ASL: variants seen among roughly 807,000 people sequenced by gnomAD.
ASL encodes the protein argininosuccinate lyase.
In ASL, 51 loss-of-function variants were observed where a neutral mutation model predicts 69.1. That is an observed-to-expected ratio of 0.74 (90% CI 0.59 to 0.93). ASL has a LOEUF of 0.93. ASL is among the 40% of genes least tolerant of loss of function. The pLI, the probability that ASL is intolerant of heterozygous loss-of-function variation, is 0.00. For synonymous variants in ASL, 241 were observed against 247.6 expected (o/e 0.97, Z 0.25); for missense variants, 540 against 623.9 (o/e 0.87, Z 1.43).
At chr7:66,079,961 T>G (rs1786452973) in intron 2 of ASL, among the ~76,000 whole-genome samples, 1 of 151,976 alleles carries the variant, frequency 6.6e-6, no homozygotes. Context: ...GGCGCATGCT[T>G]GTAGTCCCAA....
chr7:66,085,899 C>T (rs941813256), intron 6 of ASL, among the ~76,000 whole-genome samples: 6 of 151,904 alleles, frequency 3.9e-5, no homozygotes, highest in East Asian at 1.9e-4. Flanking sequence ...TGAGTTACCG[C>T]GCCTGGCCAC....
intron 6 of ASL, among the ~76,000 whole-genome samples, chr7:66,085,302 C>A (rs1377670586): frequency 3.3e-5 from 5 of 151,938 alleles, no homozygotes; most frequent in African/African-American, 1.2e-4. Flanking sequence ...CATGGTGAAA[C>A]CCCATCTCTA....
At chr7:66,085,587 T>C (rs1403490034) in intron 6 of ASL, among the ~76,000 whole-genome samples, 1 of 151,128 alleles carries the variant, frequency 6.6e-6, no homozygotes, top group Non-Finnish European at 1.5e-5. Context: ...CAGACCACTC[T>C]GGGCAACATA....
At chr7:66,087,278 G>A in intron 8 of ASL, 56 bp from the exon 9 acceptor site, 2 of 1,415,274 alleles carry the variant, frequency 1.4e-6, no homozygotes, top group Non-Finnish European at 9.9e-7. Flanking sequence ...GTGTGTGTGT[G>A]TGTGTCAGGG....
At chr7:66,078,742 C>A (rs934709216) in intron 2 of ASL, among the ~76,000 whole-genome samples, 3 of 151,362 alleles carry the variant, frequency 2.0e-5, no homozygotes, top group Non-Finnish European at 4.4e-5. Context: ...TCAAGTGATT[C>A]TCCTGCTTCA....
intron 2 of ASL, among the ~76,000 whole-genome samples, chr7:66,080,385 C>CAAAAAAAAA (rs138360695): frequency 1.6e-5 from 1 of 61,348 alleles, no homozygotes. Context: ...GACTCCATCT[C>CAAAAAAAAA]AAAAAAAAAA....
chr7:66,089,466 T>G, intron 13 of ASL, 131 bp downstream of exon 13: 1 of 1,437,624 alleles, frequency 7.0e-7, no homozygotes, highest in Non-Finnish European at 9.6e-7. Flanking sequence ...GTGGCTGCCC[T>G]TGAACTCTCT....
intron 2 of ASL, among the ~76,000 whole-genome samples, chr7:66,079,494 C>G (rs1204018014): frequency 1.3e-5 from 2 of 152,202 alleles, no homozygotes; most frequent in East Asian, 3.9e-4. Context: ...TAGGCTCATG[C>G]CTATAATCTC....
intron 7 of ASL, 29 bp from the exon 8 acceptor site, chr7:66,086,715 C>T (rs1208966986): frequency 1.2e-6 from 2 of 1,610,106 alleles, no homozygotes; most frequent in African/African-American, 2.7e-5. Context: ...CCCGGCTGCC[C>T]TGACCCTCCT....
chr7:66,092,532 C>A (rs574636150), intron 15 of ASL, 25 bp from the exon 16 acceptor site: 6 of 1,593,964 alleles, frequency 3.8e-6, no homozygotes, highest in Non-Finnish European at 4.3e-6. Context: ...CCTGCCTCAG[C>A]GCCATCTTCC....
chr7:66,087,367 C>T lies in ASL; in HGVS notation c.636C>T (p.Asp212=), dbSNP rs1249547167. 1.2e-6 allele frequency: 2 copies of T among 1,606,598 alleles called. No individual in the cohort carries two copies. The highest frequency in any genetic ancestry group is 2.2e-5 in the East Asian group (1 of 44,836). ...TTGCAGGCAATCCCCTGGGTGTGGA[C>T]CGAGAGCTGCTCCGAGCAGGTGAGA... ...GAIAGNPLGV[D]RELLRAELNF... The change falls in exon 9 of 17, where the codon GAC becomes GAT. Residue 212 remains aspartate (D), a synonymous_variant. Coordinates refer to ENST00000304874, the MANE Select transcript of ASL (RefSeq NM_000048.4).
Position 66,076,028 on chromosome 7 carries a change from T to G in ASL, c.-43-11T>G, listed in dbSNP as rs573340046. The G allele has an allele frequency of 6.3e-7, 1 of 1,575,510 alleles. No individual in the cohort carries two copies. The highest frequency in any genetic ancestry group is 2.3e-5 in the East Asian group (1 of 42,638). On this transcript the variant is annotated splice_polypyrimidine_tract_variant and intron_variant, in intron 1 of 16. Transcript: ENST00000304874. The stretch of plus-strand genomic sequence containing the variant: ...GGCCAAGGAGGTCGTCAGTCCGGTC[T>G]TGTCTTCCAGACCCGGAGGACCGAA...
Position 66,092,838 on chromosome 7 carries a change from G to A in ASL, c.1321G>A (p.Gly441Ser). The A allele has an allele frequency of 6.2e-7, 1 of 1,613,586 alleles. No homozygotes were observed. The highest frequency in any genetic ancestry group is 8.5e-7 in the Non-Finnish European group (1 of 1,179,990). The part of the protein sequence containing the change: ...GHSVEQYGAL[G>S]GTARSSVDWQ... ...CAGTGTGGAGCAGTATGGTGCCCTGGGCGGCACTGCGCGCTCCAGCGTCGA... is the reference window on the plus strand; with the variant it reads ...CAGTGTGGAGCAGTATGGTGCCCTGAGCGGCACTGCGCGCTCCAGCGTCGA... Residue 441 changes from glycine to serine, a missense_variant, in exon 17 of 17, where the codon GGC becomes AGC. Physicochemically the swap from Gly to Ser is moderately conservative, Grantham distance 56 (BLOSUM62 0). Coordinates refer to ENST00000304874, the MANE Select transcript of ASL (RefSeq NM_000048.4).
At chr7:66,085,526 C>A (rs1786635638) in intron 6 of ASL, among the ~76,000 whole-genome samples, 1 of 152,158 alleles carries the variant, frequency 6.6e-6, no homozygotes, top group African/African-American at 2.4e-5. Context: ...TATCTGTAAT[C>A]CCAGCCCTTT....
Position 66,087,794 on chromosome 7 carries a change from G to A in ASL, c.718+3G>A, listed in dbSNP as rs368266194. 1.1e-4 allele frequency: 184 copies of A among 1,614,036 alleles called. No individual in the cohort carries two copies. The highest frequency in any genetic ancestry group is 1.5e-4 in the Non-Finnish European group (177 of 1,180,028). ...CACTAGTGAGCGGGACTTTGTGGGT[G>A]AGTCCTGGGGAGCCAGTCCCCTGCC... On this transcript the variant is annotated splice_donor_region_variant and intron_variant, in intron 10 of 16. Coordinates refer to ENST00000304874, the MANE Select transcript of ASL (RefSeq NM_000048.4).
chr7:66,081,640 A>T (rs2115689014), intron 2 of ASL, among the ~76,000 whole-genome samples, 163 bp from the exon 3 acceptor site: 1 of 151,550 alleles, frequency 6.6e-6, no homozygotes, highest in Non-Finnish European at 1.5e-5. Context: ...GCTCACTCCC[A>T]GGGTGGTGAC....
intron 10 of ASL, 130 bp from the exon 11 acceptor site, chr7:66,088,677 C>A: frequency 1.3e-6 from 1 of 774,816 alleles, no homozygotes; most frequent in Non-Finnish European, 2.2e-6. Flanking sequence ...GGCGACATAG[C>A]ACGACCCCAT....
At chr7:66,076,537 C>A (rs1396433722) in intron 2 of ASL, among the ~76,000 whole-genome samples, 1 of 152,196 alleles carries the variant, frequency 6.6e-6, no homozygotes, top group Non-Finnish European at 1.5e-5. Context: ...GTGTTCTTGT[C>A]CTTGACTGTG....
intron 8 of ASL, 119 bp from the exon 9 acceptor site, chr7:66,087,215 C>G (rs1282525658): frequency 2.3e-6 from 3 of 1,289,280 alleles, no homozygotes; most frequent in Non-Finnish European, 3.3e-6. Flanking sequence ...GCCCTGGCAA[C>G]CAGGACTTGG....
Sources: allele counts gnomAD v4.1 joint callset (sites outside exome capture counted in the v4.1 genomes callset), GRCh38; gene constraint gnomAD v4.1.1; transcripts MANE v1.5; gene names NCBI Gene and HGNC (gene_info 2026-07-23, HGNC 2026-07-21).